The following OSBPL5 variants were observed in gnomAD, a reference collection of about 807,000 sequenced individuals.
OSBPL5 encodes the protein oxysterol-binding protein-related protein 5.
A neutral mutation model predicts 111.2 loss-of-function variants in OSBPL5; 71 were observed. That is an observed-to-expected ratio of 0.64 (90% confidence interval 0.53 to 0.78). OSBPL5 has a LOEUF of 0.78. OSBPL5 is among the 30% of genes least tolerant of loss of function. OSBPL5 has a pLI of 0.00. For synonymous variants in OSBPL5, 549 were observed against 513.9 expected (o/e 1.07, Z -0.93); for missense variants, 1,210 against 1,189.3 (o/e 1.02, Z -0.26).
At chr11:3,136,898 C>A (rs922924369) in intron 1 of OSBPL5, among the ~76,000 whole-genome samples, 3 of 152,256 alleles carry the variant, frequency 2.0e-5, no homozygotes, top group African/African-American at 4.8e-5. Flanking sequence ...GGCACAGATG[C>A]TTCTGCCTAA....
Position 3,148,235 on chromosome 11 carries a change from C to A in OSBPL5, c.-22+16981G>T, listed in dbSNP as rs146303144. On this transcript the variant is annotated intron_variant, in intron 1 of 21. Transcript: ENST00000263650. Reference sequence around the variant, plus strand: ...CTTAGTTGTCTTTTGGGAAGGTGGGCTGGACCCCACTACATACTCCCCAAG... The same window carrying A: ...CTTAGTTGTCTTTTGGGAAGGTGGGATGGACCCCACTACATACTCCCCAAG... Among the ~76,000 whole-genome samples the A allele has an allele frequency of 2.6e-4, 39 of 152,356 alleles. No individual in the cohort carries two copies. In the Middle Eastern group the frequency reaches 0.01, roughly 40 times the overall value.
At position 3,146,557 on chromosome 11, in the gene OSBPL5, G is replaced by A. The variant is rs898424145; in HGVS notation, c.-21-17388C>T. 4 of 152,186 alleles carry A rather than the reference G, an allele frequency of 2.6e-5. No individual in the cohort carries two copies. Among genetic ancestry groups the A allele is most frequent in the African/African-American group, 9.7e-5 (4 of 41,416 alleles). 9.4% of individuals were successfully genotyped at this position (152,186 alleles called of 1,614,324 possible). A position where few individuals can be genotyped will look rare whatever the true frequency, so the allele number is the denominator to read the frequency against. Reference sequence around the variant, plus strand: ...CCCTGTCACGGCATGGCTGGGACGAGGCACCCGGTGTCTTTCTGGCACCCG... The same window carrying A: ...CCCTGTCACGGCATGGCTGGGACGAAGCACCCGGTGTCTTTCTGGCACCCG... On this transcript the variant is annotated intron_variant, in intron 1 of 21. Transcript: ENST00000263650. The surrounding 1 kb of genome is among the most constrained non-coding windows in gnomAD (Gnocchi z 7.8).
At chr11:3,097,936 C>T (rs1468463080) in intron 14 of OSBPL5, among the ~76,000 whole-genome samples, 3 of 152,016 alleles carry the variant, frequency 2.0e-5, no homozygotes, top group Admixed American at 6.6e-5. Flanking sequence ...GGCGTGGTGG[C>T]GGGCGCCTGT....
Position 3,154,891 on chromosome 11 carries a change from T to G in OSBPL5, c.-22+10325A>C, listed in dbSNP as rs1472177031. ...GTAACAAACCTGCACGTTGTGCACA[T>G]GTACCCTAGAACTTAAAGTATAATA... On this transcript the variant is annotated intron_variant, in intron 1 of 21. Transcript: ENST00000263650. This position sits in a 1 kb window ranked among gnomAD's most constrained non-coding sequence, Gnocchi z 4.9. Among the ~76,000 whole-genome samples, 1 of 151,356 alleles carries G rather than the reference T, an allele frequency of 6.6e-6. No homozygotes were observed. Among genetic ancestry groups the G allele is most frequent in the Non-Finnish European group, 1.5e-5 (1 of 67,926 alleles).
At chr11:3,090,529 G>A (rs757767483) in intron 20 of OSBPL5, 29 bp downstream of exon 20, 8 of 1,605,388 alleles carry the variant, frequency 5.0e-6, no homozygotes, top group Admixed American at 1.7e-5. Context: ...CCAGACAGAG[G>A]CCTTGGGGCT....
Position 3,092,569 on chromosome 11 carries a change from C to T in OSBPL5, c.2133-11G>A. The T allele has an allele frequency of 6.3e-7, 1 of 1,578,292 alleles. No individual in the cohort carries two copies. The highest frequency in any genetic ancestry group is 1.2e-5 in the South Asian group (1 of 86,438). ...TCCCAGGGGCTGTGGCTGGAGGGTC[C>T]AGAGGGCGTTCATCAGCACAGGCAG... On this transcript the variant is annotated splice_polypyrimidine_tract_variant and intron_variant, in intron 18 of 21. Transcript: ENST00000263650. The surrounding 1 kb of genome is among the most constrained non-coding windows in gnomAD (Gnocchi z 5.4).
intron 14 of OSBPL5, chr11:3,094,850 TA>T (rs901259136): frequency 1.3e-5 from 2 of 152,478 alleles, no homozygotes; most frequent in Non-Finnish European, 2.9e-5. Context: ...CCCGTATGTT[TA>T]AAAAAATTAA....
chr11:3,107,472 G>A lies in OSBPL5; in HGVS notation c.867-17C>T, dbSNP rs970623590. ...CCGTTCAGTCTGGAAGGTGGATGGTGCCAGTGGGTCCCTGTCACAGGTGAG... is the reference window on the plus strand; with the variant it reads ...CCGTTCAGTCTGGAAGGTGGATGGTACCAGTGGGTCCCTGTCACAGGTGAG... On this transcript the variant is annotated splice_polypyrimidine_tract_variant and intron_variant, in intron 8 of 21. Transcript: ENST00000263650. This position sits in a 1 kb window ranked among gnomAD's most constrained non-coding sequence, Gnocchi z 6.1. 6.2e-7 allele frequency: 1 copy of A among 1,613,270 alleles called. No individual in the cohort carries two copies. The highest frequency in any genetic ancestry group is 8.5e-7 in the Non-Finnish European group (1 of 1,179,448).
chr11:3,131,713 T>TCCTC (rs1373150327), intron 1 of OSBPL5, among the ~76,000 whole-genome samples: 36 of 100,454 alleles, frequency 3.6e-4, no homozygotes, highest in African/African-American at 5.7e-4. Flanking sequence ...CATCCATCCA[T>TCCTC]CCATCCATCC....
rs3741356 is a variant in OSBPL5, at chr11:3,100,556, G to A, written c.1523-300C>T. 2.5e-4 allele frequency among the ~76,000 whole-genome samples: 38 copies of A among 152,322 alleles called. No individual in the cohort carries two copies. The East Asian group carries it at 7.1e-3, about 29-fold the overall frequency. Reference sequence around the variant, plus strand: ...GGAGGCTGCAAACTTTTTCAAACTCGACTGAGCCCTGCTCAGATTTTAAAC... The same window carrying A: ...GGAGGCTGCAAACTTTTTCAAACTCAACTGAGCCCTGCTCAGATTTTAAAC... On this transcript the variant is annotated intron_variant, in intron 13 of 21. Coordinates refer to ENST00000263650, the MANE Select transcript of OSBPL5 (RefSeq NM_020896.4).
rs536413871 is a variant in OSBPL5, at chr11:3,093,378, C to T, written c.1946+149G>A. 1,109 of 1,253,346 alleles carry T rather than the reference C, an allele frequency of 8.8e-4. 1 individual carries two copies. Among genetic ancestry groups the T allele is most frequent in the Non-Finnish European group, 1.1e-3 (992 of 912,326 alleles). 77.6% of individuals were successfully genotyped at this position (1,253,346 alleles called of 1,614,324 possible). A position where few individuals can be genotyped will look rare whatever the true frequency, so the allele number is the denominator to read the frequency against. On this transcript the variant is annotated intron_variant, in intron 17 of 21. Transcript: ENST00000263650. ...CCCTCCATCTGTCCTTTCCAGGACA[C>T]GTGATCTGCCACCAGGGGTGCACCA...
At chr11:3,089,775 C>T (rs1020708180) in intron 21 of OSBPL5, 71 bp downstream of exon 21, 42 of 1,442,156 alleles carry the variant, frequency 2.9e-5, no homozygotes, top group Admixed American at 2.0e-4. Context: ...CCCCACCTCC[C>T]GCCCTAGCTC....
In OSBPL5 at chr11:3,154,053, C is replaced by T. The variant is rs977999532; in HGVS notation, c.-22+11163G>A. On this transcript the variant is annotated intron_variant, in intron 1 of 21. Coordinates refer to ENST00000263650, the MANE Select transcript of OSBPL5 (RefSeq NM_020896.4). This position sits in a 1 kb window ranked among gnomAD's most constrained non-coding sequence, Gnocchi z 4.9. Reference sequence around the variant, plus strand: ...GCAGCCCCCAAGGAAGGTCTGTGCCCGGGAAACACATGGCATTCAAACCGC... The same window carrying T: ...GCAGCCCCCAAGGAAGGTCTGTGCCTGGGAAACACATGGCATTCAAACCGC... 1.9e-4 allele frequency among the ~76,000 whole-genome samples: 29 copies of T among 152,190 alleles called. No individual in the cohort carries two copies. The highest frequency in any genetic ancestry group is 3.7e-4 in the Non-Finnish European group (25 of 68,028).
At chr11:3,150,682 A>C (rs1024538619) in intron 1 of OSBPL5, among the ~76,000 whole-genome samples, 1 of 152,106 alleles carries the variant, frequency 6.6e-6, no homozygotes, top group Non-Finnish European at 1.5e-5. Flanking sequence ...GCCACACCCA[A>C]CTTTCATTCC....
At chr11:3,157,462 A>C (rs4758542) in intron 1 of OSBPL5, among the ~76,000 whole-genome samples, 115,285 of 152,166 alleles carry the variant, frequency 0.76, 44,070 homozygotes, top group African/African-American at 0.78. Flanking sequence ...TCCCACTGGT[A>C]CTGAGGCAGC....
intron 11 of OSBPL5, 49 bp from the exon 12 acceptor site, chr11:3,102,330 G>A (rs370931862): frequency 2.8e-5 from 42 of 1,521,326 alleles, no homozygotes; most frequent in Non-Finnish European, 3.6e-5. Flanking sequence ...TAAGAGGTCC[G>A]CTGTGCAGAG....
intron 10 of OSBPL5, among the ~76,000 whole-genome samples, chr11:3,103,809 TTCCTGCCTGC>T (rs1857576380): frequency 2.3e-5 from 1 of 43,002 alleles, no homozygotes; most frequent in Non-Finnish European, 5.8e-5. Flanking sequence ...TGCAGCCCTC[TTCCTGCCTGC>T]GCAGCCCCCT....
chr11:3,134,525 T>C (rs1194889834), intron 1 of OSBPL5, among the ~76,000 whole-genome samples: 7 of 152,220 alleles, frequency 4.6e-5, no homozygotes. Flanking sequence ...CCCCTCCTCC[T>C]GCTGCTGGTC....
In OSBPL5 at chr11:3,107,845, C is replaced by T. The variant is rs369367254; in HGVS notation, c.792G>A (p.Ser264=). The part of the protein sequence containing the change: ...KPGRDGEPGT[S]PDASPSSLCG... ...AGAGCGATGAGGGTGATGCGTCTGG[C>T]GAGGTCCCTGGCTCCCCGTCTCGGC... Residue 264 remains serine (S), a synonymous_variant, in exon 8 of 22, where the codon TCG becomes TCA. Coordinates refer to ENST00000263650, the MANE Select transcript of OSBPL5 (RefSeq NM_020896.4). This position sits in a 1 kb window ranked among gnomAD's most constrained non-coding sequence, Gnocchi z 6.1. 98 of 1,611,574 alleles carry T rather than the reference C, an allele frequency of 6.1e-5. No homozygotes were observed. The highest frequency in any genetic ancestry group is 1.1e-4 in the African/African-American group (8 of 75,044).
Sources: gnomAD v4.1 joint callset for allele counts (sites outside exome capture counted in the v4.1 genomes callset) on GRCh38, gnomAD v4.1.1 for gene constraint, Gnocchi (gnomAD v3.1) non-coding constraint, MANE v1.5 for transcripts, NCBI Gene and HGNC (gene_info 2026-07-23, HGNC 2026-07-21) for gene names.